The following FAM186A variants were observed in gnomAD, a reference collection of about 807,000 sequenced individuals.
FAM186A encodes protein FAM186A.
A neutral mutation model predicts 216.8 loss-of-function variants in FAM186A; 163 were observed. The ratio of observed to expected loss-of-function variants is 0.75; its 90% CI spans 0.66 to 0.86. The LOEUF is 0.86. FAM186A is among the 40% of genes least tolerant of loss of function. FAM186A has a pLI of 0.00. For synonymous variants in FAM186A, 805 were observed against 1,025.3 expected, an observed-to-expected ratio of 0.79 and a Z score of 4.10; for missense variants, 2,184 against 2,746.2, an observed-to-expected ratio of 0.80 and a Z score of 4.58.
At chr12:50,389,909 C>G (rs773542842) in intron 1 of FAM186A, among the ~76,000 whole-genome samples, 20 of 152,110 alleles carry the variant, frequency 1.3e-4, no homozygotes, top group Non-Finnish European at 2.2e-4. Flanking sequence ...CTAATTCTTC[C>G]AGGAATGGGA....
intron 1 of FAM186A, among the ~76,000 whole-genome samples, chr12:50,367,988 T>C (rs964492642): frequency 5.4e-5 from 8 of 149,038 alleles, no homozygotes; most frequent in African/African-American, 2.0e-4. Flanking sequence ...TCTACAAAAA[T>C]ACAAAAATTA....
In FAM186A at chr12:50,354,738, C is replaced by G. The variant is rs1451363976; in HGVS notation, c.2094G>C (p.Lys698Asn). The G allele has an allele frequency of 5.2e-6, 8 of 1,545,354 alleles. No individual in the cohort carries two copies. The highest frequency in any genetic ancestry group is 7.0e-6 in the Non-Finnish European group (8 of 1,145,904). Residue 698 changes from lysine (K) to asparagine (N), a missense_variant, in exon 4 of 8, where the codon AAG becomes AAC. Coordinates refer to ENST00000327337, the MANE Select transcript of FAM186A (RefSeq NM_001145475.3). ...GKAFDKKTVP[K>N]EEELLKRAEA... ...CTGCTCTTTTTAATAACTCCTCTTC[C>G]TTCGGAACAGTCTTTTTGTCAAAAG...
intron 1 of FAM186A, among the ~76,000 whole-genome samples, chr12:50,376,729 C>CCTCT: frequency 7.1e-6 from 1 of 140,626 alleles, no homozygotes; most frequent in African/African-American, 2.6e-5. Flanking sequence ...CCTCCTTTTA[C>CCTCT]CTCTCTCTCT....
At chr12:50,361,625 C>T (rs1283553059) in intron 2 of FAM186A, among the ~76,000 whole-genome samples, 1 of 145,454 alleles carries the variant, frequency 6.9e-6, no homozygotes, top group Non-Finnish European at 1.5e-5. Flanking sequence ...GGCTGGAGTG[C>T]AGTGGTGCAA....
At chr12:50,336,371 G>A (rs1942708322) in intron 4 of FAM186A, among the ~76,000 whole-genome samples, 1 of 152,102 alleles carries the variant, frequency 6.6e-6, no homozygotes, top group South Asian at 2.1e-4. Flanking sequence ...GTAGATTTGG[G>A]AAGCAAGCCC....
rs1160370467 is a variant in FAM186A, at chr12:50,354,544, T to C, written c.2288A>G (p.His763Arg). The C allele has an allele frequency of 6.4e-7, 1 of 1,551,688 alleles. No individual in the cohort carries two copies. Among genetic ancestry groups the C allele is most frequent in the South Asian group, 1.2e-5 (1 of 84,058 alleles). ...TGCACTAATTGGTGACTTCTGAAAA[T>C]GCAATCCTGGCATAAATGAGACTAC... Reference protein sequence around the residue: ...KKVVSFMPGLHFQKSPISAKS... With the variant: ...KKVVSFMPGLRFQKSPISAKS... Residue 763 changes from histidine (H) to arginine (R), a missense_variant, in exon 4 of 8, where the codon CAT becomes CGT. His to Arg is a conservative substitution (Grantham distance 29). Around this residue, in one of 7 missense-constraint regions of FAM186A, gnomAD observed 1,132 missense variants for 1,263.4 expected, o/e 0.90. Coordinates refer to ENST00000327337, the MANE Select transcript of FAM186A (RefSeq NM_001145475.3).
chr12:50,338,226 A>G (rs1363303876), intron 4 of FAM186A, among the ~76,000 whole-genome samples: 1 of 152,068 alleles, frequency 6.6e-6, no homozygotes, highest in Non-Finnish European at 1.5e-5. Context: ...TTTGAGACAG[A>G]GTTTCGCTCT....
intron 4 of FAM186A, among the ~76,000 whole-genome samples, chr12:50,339,452 C>G (rs1942741234): frequency 6.6e-6 from 1 of 152,160 alleles, no homozygotes; most frequent in African/African-American, 2.4e-5. Flanking sequence ...AGTAATTCTA[C>G]TCTCACCCTT....
At chr12:50,393,617 C>T (rs1943385157) in intron 1 of FAM186A, among the ~76,000 whole-genome samples, 1 of 151,474 alleles carries the variant, frequency 6.6e-6, no homozygotes, top group Non-Finnish European at 1.5e-5. Context: ...GAGGCTGAGG[C>T]AGGCAGATTG....
chr12:50,351,371 A>AG lies in FAM186A; in HGVS notation c.5460dup (p.Ser1821LeufsTer45). ...CGAGATATTGGGAGCTGCCCAGGGGAGGGAGGGGCCTGTGGTGCCGGGAAC... is the reference window on the plus strand; with the variant it reads ...CGAGATATTGGGAGCTGCCCAGGGGAGGGGAGGGGCCTGTGGTGCCGGGAAC... On this transcript the variant is annotated frameshift_variant, in exon 4 of 8. Coordinates refer to ENST00000327337, the MANE Select transcript of FAM186A (RefSeq NM_001145475.3). LOFTEE classifies it high-confidence loss of function. The AG allele has an allele frequency of 6.8e-7, 1 of 1,476,054 alleles. No homozygotes were observed. The highest frequency in any genetic ancestry group is 9.0e-7 in the Non-Finnish European group (1 of 1,115,322). The allele number at this position is 1,476,054 out of a possible 1,614,324, so 91.4% of individuals were successfully genotyped here. A position where few individuals can be genotyped will look rare whatever the true frequency, so the allele number is the denominator to read the frequency against.
chr12:50,330,313 A>G (rs1367727671), intron 7 of FAM186A, among the ~76,000 whole-genome samples: 1 of 152,196 alleles, frequency 6.6e-6, no homozygotes, highest in Non-Finnish European at 1.5e-5. Flanking sequence ...CTAGTGTTAG[A>G]TTAGATTCAT....
At chr12:50,392,832 CGATCTCCTGAGCTCAT>C (rs1202445211) in intron 1 of FAM186A, among the ~76,000 whole-genome samples, 43 of 142,908 alleles carry the variant, frequency 3.0e-4, no homozygotes, top group South Asian at 1.6e-3. Flanking sequence ...AAAATGGTCT[CGATCTCCTGAGCTCAT>C]GATCCGCCCG....
At chr12:50,327,745 A>G (rs1041813494) in intron 7 of FAM186A, among the ~76,000 whole-genome samples, 1 of 151,924 alleles carries the variant, frequency 6.6e-6, no homozygotes, top group Admixed American at 6.6e-5. Context: ...GGGTCTTGCC[A>G]TGTTGCCCAG....
chr12:50,370,123 CAAAAAAAAAA>C (rs56403101), intron 1 of FAM186A, among the ~76,000 whole-genome samples: 1 of 38,442 alleles, frequency 2.6e-5, no homozygotes, highest in Non-Finnish European at 4.0e-5. Flanking sequence ...GACTCCATCT[CAAAAAAAAAA>C]AAAAAAAAAA....
chr12:50,349,175 A>C (rs1592605764), intron 4 of FAM186A, among the ~76,000 whole-genome samples: 4 of 141,694 alleles, frequency 2.8e-5, no homozygotes, highest in South Asian at 2.4e-4. Context: ...CTTTCCCCCC[A>C]CCCCCACTAC....
At chr12:50,367,434 C>T (rs560067691) in intron 1 of FAM186A, among the ~76,000 whole-genome samples, 3 of 146,114 alleles carry the variant, frequency 2.1e-5, no homozygotes, top group East Asian at 2.1e-4. Flanking sequence ...AGGAGAATGG[C>T]GTGAACCTGG....
At chr12:50,379,908 G>A (rs551765701) in intron 1 of FAM186A, among the ~76,000 whole-genome samples, 2 of 152,292 alleles carry the variant, frequency 1.3e-5, no homozygotes, top group South Asian at 4.1e-4. Flanking sequence ...ATACAAGAAG[G>A]ATAAGCCAGA....
intron 3 of FAM186A, among the ~76,000 whole-genome samples, chr12:50,356,728 G>A (rs898717334): frequency 6.6e-6 from 1 of 152,210 alleles, no homozygotes; most frequent in Non-Finnish European, 1.5e-5. Context: ...CCAGGGCTTG[G>A]TGGTTCACGC....
intron 4 of FAM186A, among the ~76,000 whole-genome samples, chr12:50,337,164 T>C (rs1254764015): frequency 6.6e-6 from 1 of 151,744 alleles, no homozygotes; most frequent in Non-Finnish European, 1.5e-5. Context: ...CATTTTTCTG[T>C]CTAATTACAC....
Sources: allele counts gnomAD v4.1 joint callset (sites outside exome capture counted in the v4.1 genomes callset), GRCh38; gene constraint gnomAD v4.1.1; regional missense constraint gnomAD v4.1.1; transcripts MANE v1.5; gene names NCBI Gene and HGNC (gene_info 2026-07-23, HGNC 2026-07-21).